The following C5orf24 variants were observed in gnomAD, a reference collection of about 807,000 sequenced individuals.
The protein encoded by C5orf24 is chromosome 5 open reading frame 24, also known as UPF0461 protein C5orf24.
C5orf24 carries 4 observed loss-of-function variants against 9.8 expected under a neutral mutation model. The ratio of observed to expected loss-of-function variants is 0.41; its 90% CI spans 0.20 to 0.93. The LOEUF is 0.93. Ranked by LOEUF, C5orf24 falls within the 40% of genes least tolerant of loss-of-function variation. The probability of loss-of-function intolerance (pLI) is 0.33; values close to 1 mark genes in which losing one functional copy is unlikely to be tolerated. For synonymous variants in C5orf24, 73 were observed against 81.3 expected (o/e 0.90, Z 0.55); for missense variants, 170 against 236.9 (o/e 0.72, Z 1.85).
chr5:134,852,497 A>G (rs1311097123), intron 1 of C5orf24, among the ~76,000 whole-genome samples: 2 of 152,180 alleles, frequency 1.3e-5, no homozygotes, highest in African/African-American at 4.8e-5. Context: ...TTTTGCCTTT[A>G]CAAACTAAAG....
upstream of C5orf24, among the ~76,000 whole-genome samples, chr5:134,841,297 T>A (rs957530305): frequency 1.5e-4 from 23 of 152,158 alleles, no homozygotes; most frequent in Admixed American, 5.2e-4. Flanking sequence ...TTTTTTTTTT[T>A]AATTTTTCTG....
chr5:134,845,874 A>G (rs983113083), upstream of C5orf24: 1 of 152,308 alleles, frequency 6.6e-6, no homozygotes, highest in African/African-American at 2.4e-5. Flanking sequence ...TCCCTCCCAA[A>G]GCTTGCGTGC....
chr5:134,834,490 C>T, the C5orf24 span, among the ~76,000 whole-genome samples: 1 of 152,328 alleles, frequency 6.6e-6, no homozygotes, highest in Admixed American at 6.5e-5. Flanking sequence ...AGAGTCCTCC[C>T]TATCCCCAAA....
At chr5:134,838,573 G>A in the C5orf24 span, among the ~76,000 whole-genome samples, 2 of 152,068 alleles carry the variant, frequency 1.3e-5, no homozygotes, top group African/African-American at 4.8e-5. Flanking sequence ...GGGAGGCTGA[G>A]AGGAGAATCA....
intron 1 of C5orf24, among the ~76,000 whole-genome samples, chr5:134,849,816 C>G (rs1756106532): frequency 6.6e-6 from 1 of 151,820 alleles, no homozygotes; most frequent in Admixed American, 6.6e-5. Flanking sequence ...TGCCTCCATG[C>G]CCAGCTAATT....
intron 1 of C5orf24, among the ~76,000 whole-genome samples, chr5:134,854,382 T>A (rs1756250394): frequency 6.6e-6 from 1 of 152,216 alleles, no homozygotes; most frequent in African/African-American, 2.4e-5. Context: ...GGGTTCTGTA[T>A]AAATAATAAA....
chr5:134,835,988 T>G, the C5orf24 span, among the ~76,000 whole-genome samples: 1 of 151,960 alleles, frequency 6.6e-6, no homozygotes, highest in Non-Finnish European at 1.5e-5. Flanking sequence ...CACCTGGATT[T>G]TTTTTTCTTT....
At chr5:134,841,895 C>T (rs1424110490), upstream of C5orf24, among the ~76,000 whole-genome samples, 1 of 152,096 alleles carries the variant, frequency 6.6e-6, no homozygotes, top group Non-Finnish European at 1.5e-5. Context: ...GAGGCCTGAA[C>T]TAAATGAGCA....
the C5orf24 span, among the ~76,000 whole-genome samples, chr5:134,837,931 T>C: frequency 6.6e-6 from 1 of 152,216 alleles, no homozygotes; most frequent in Non-Finnish European, 1.5e-5. Flanking sequence ...ATTCATTTTT[T>C]TCCTATGTAT....
rs1352274133 is a variant in C5orf24, at chr5:134,859,530, G to A, written c.*4063G>A. 1 of 166,878 alleles carries A rather than the reference G, an allele frequency of 6.0e-6. No homozygotes were observed. Among genetic ancestry groups the A allele is most frequent in the Non-Finnish European group, 1.5e-5 (1 of 68,110 alleles). The allele number at this position is 166,878 out of a possible 1,614,324, so 10.3% of individuals were successfully genotyped here. On this transcript the variant is annotated 3_prime_UTR_variant, in exon 2 of 2. Coordinates refer to ENST00000394976, the MANE Select transcript of C5orf24 (RefSeq NM_001135586.1). ...ATTTCTTTTTTCCACAGGTAATTTT[G>A]GAGAAAATAATTACCAATTAACTGA... is the stretch of plus-strand genomic sequence containing the variant.
intron 1 of C5orf24, among the ~76,000 whole-genome samples, chr5:134,849,877 C>T (rs1756107944): frequency 6.6e-6 from 1 of 151,582 alleles, no homozygotes; most frequent in Non-Finnish European, 1.5e-5. Flanking sequence ...AGGCTGGTCT[C>T]GAACTCCTGA....
At position 134,856,078 on chromosome 5, in the gene C5orf24, C is replaced by T; in HGVS notation, c.*611C>T. 1 of 1,000,564 alleles carries T rather than the reference C, an allele frequency of 1.0e-6. No individual in the cohort carries two copies. Among genetic ancestry groups the T allele is most frequent in the Non-Finnish European group, 1.2e-6 (1 of 830,298 alleles). 62.0% of individuals were successfully genotyped at this position (1,000,564 alleles called of 1,614,324 possible). A position where few individuals can be genotyped will look rare whatever the true frequency, so the allele number is the denominator to read the frequency against. ...GGCATTAATTGATTTAACCATTATA[C>T]CTGAAATAATTCTTCAGTGTTTGCC... On this transcript the variant is annotated 3_prime_UTR_variant, in exon 2 of 2. Coordinates refer to ENST00000394976, the MANE Select transcript of C5orf24 (RefSeq NM_001135586.1).
At chr5:134,843,161 G>A (rs1172088189), upstream of C5orf24, among the ~76,000 whole-genome samples, 1 of 151,930 alleles carries the variant, frequency 6.6e-6, no homozygotes, top group Non-Finnish European at 1.5e-5. Context: ...ATTTTTACTA[G>A]ATACGAGGTT....
At chr5:134,836,236 G>A in the C5orf24 span, among the ~76,000 whole-genome samples, 3 of 144,402 alleles carry the variant, frequency 2.1e-5, no homozygotes, top group South Asian at 2.2e-4. Context: ...GTGCAATGGC[G>A]TGATCTCAGC....
In C5orf24 at chr5:134,859,082, A is replaced by G. The variant is rs939577380; in HGVS notation, c.*3615A>G. On this transcript the variant is annotated 3_prime_UTR_variant, in exon 2 of 2. Transcript: ENST00000394976. ...TGACCCATTCAGTGTAAAAATAACC[A>G]TAGTGTGTGAGCTAAAGAAAAAAAA... 1.8e-5 allele frequency: 3 copies of G among 167,016 alleles called. No homozygotes were observed. The highest frequency in any genetic ancestry group is 4.4e-5 in the Non-Finnish European group (3 of 68,006). 10.3% of individuals were successfully genotyped at this position (167,016 alleles called of 1,614,324 possible). A position where few individuals can be genotyped will look rare whatever the true frequency, so the allele number is the denominator to read the frequency against.
the C5orf24 span, among the ~76,000 whole-genome samples, chr5:134,835,675 C>T: frequency 1.3e-5 from 2 of 151,966 alleles, no homozygotes; most frequent in South Asian, 4.1e-4. Context: ...AATTTTGAAG[C>T]TTCTGTGTTT....
chr5:134,843,700 G>A (rs1005489871), upstream of C5orf24, among the ~76,000 whole-genome samples: 2 of 152,156 alleles, frequency 1.3e-5, no homozygotes, highest in Admixed American at 1.3e-4. Flanking sequence ...GGGATTTAGC[G>A]ACATGCACCA....
In C5orf24 at chr5:134,853,854, G is replaced by A. The variant is rs543652480; in HGVS notation, c.-3-1044G>A. 2.6e-5 allele frequency among the ~76,000 whole-genome samples: 4 copies of A among 152,266 alleles called. No homozygotes were observed. In the East Asian group the frequency reaches 5.8e-4, roughly 22 times the overall value. On this transcript the variant is annotated intron_variant, in intron 1 of 1. Transcript: ENST00000394976. ...TCCCAACACTGTGGAAGGCCGAGGC[G>A]GGCAGATCACGAGGTCAGGAGTTCG...
chr5:134,848,252 A>G (rs1756050701), intron 1 of C5orf24, among the ~76,000 whole-genome samples: 2 of 151,870 alleles, frequency 1.3e-5, no homozygotes, highest in African/African-American at 4.8e-5. Context: ...CGTAGCTTGC[A>G]GTGAGCCAAG....
Sources: gnomAD v4.1 joint callset for allele counts (sites outside exome capture counted in the v4.1 genomes callset) on GRCh38, gnomAD v4.1.1 for gene constraint, MANE v1.5 for transcripts, NCBI Gene and HGNC (gene_info 2026-07-23, HGNC 2026-07-21) for gene names.